ITFG1: variants seen among roughly 807,000 people sequenced by gnomAD.
The protein encoded by ITFG1 is T-cell immunomodulatory protein.
Under a neutral mutation model 81.8 loss-of-function variants are expected in ITFG1, and 34 were observed. The ratio of observed to expected loss-of-function variants is 0.42; its 90% CI spans 0.32 to 0.55. The LOEUF (loss-of-function observed/expected upper bound fraction) is 0.55, where lower values mean the gene tolerates loss of function less well. Ranked by LOEUF, ITFG1 falls within the 20% of genes least tolerant of loss-of-function variation. The probability of loss-of-function intolerance (pLI) is 0.17; values close to 1 mark genes in which losing one functional copy is unlikely to be tolerated. For synonymous variants in ITFG1, 285 were observed against 270.6 expected (o/e 1.05, Z -0.52); for missense variants, 672 against 755.4 (o/e 0.89, Z 1.29).
At chr16:47,314,494 T>C (rs1277175009) in intron 8 of ITFG1, among the ~76,000 whole-genome samples, 1 of 152,112 alleles carries the variant, frequency 6.6e-6, no homozygotes, top group Admixed American at 6.6e-5. Flanking sequence ...AAAAAGCAAA[T>C]GAAAGGAATA....
chr16:47,333,844 A>G (rs910205563), intron 8 of ITFG1, among the ~76,000 whole-genome samples: 2 of 152,216 alleles, frequency 1.3e-5, no homozygotes, highest in African/African-American at 4.8e-5. Context: ...GGTCTTTACT[A>G]AGCAATATTA....
At chr16:47,398,640 C>A (rs1335157495) in intron 6 of ITFG1, among the ~76,000 whole-genome samples, 5 of 152,136 alleles carry the variant, frequency 3.3e-5, no homozygotes, top group Admixed American at 2.0e-4. Context: ...AAATTAGACA[C>A]CAAACAAGGT....
chr16:47,365,051 G>A (rs1968157463), intron 8 of ITFG1, among the ~76,000 whole-genome samples: 1 of 152,212 alleles, frequency 6.6e-6, no homozygotes, highest in South Asian at 2.1e-4. Flanking sequence ...ATTCATAATA[G>A]CCTTTAGAGG....
chr16:47,346,723 T>C (rs770414042), intron 8 of ITFG1, among the ~76,000 whole-genome samples: 11 of 152,064 alleles, frequency 7.2e-5, no homozygotes, highest in Non-Finnish European at 1.6e-4. Context: ...TGACGAAATA[T>C]AGAAAATTTA....
At chr16:47,403,632 T>C (rs1309768834) in intron 6 of ITFG1, among the ~76,000 whole-genome samples, 2 of 152,184 alleles carry the variant, frequency 1.3e-5, no homozygotes, top group Non-Finnish European at 2.9e-5. Context: ...AATGGCACTG[T>C]AGTTGTACAG....
Position 47,162,642 on chromosome 16 carries a change from T to C in ITFG1, c.1476A>G (p.Ala492=). The C allele has an allele frequency of 1.9e-6, 3 of 1,605,670 alleles. No homozygotes were observed. Among genetic ancestry groups the C allele is most frequent in the Non-Finnish European group, 1.7e-6 (2 of 1,176,274 alleles). The part of the protein sequence containing the change: ...NGSAGQLSQS[A]HLALQLPYNV... ...TGTATGGTAGTTGGAGAGCTAAATG[T>C]GCGGATTGGCTGAGTTGGCCAGCTA... The change falls in exon 15 of 18, where the codon GCA becomes GCG. Residue 492 remains alanine, a synonymous_variant. Coordinates refer to ENST00000320640, the MANE Select transcript of ITFG1 (RefSeq NM_030790.5).
At chr16:47,263,443 C>G in intron 10 of ITFG1, 3 of 403,780 alleles carry the variant, frequency 7.4e-6, no homozygotes. Context: ...ATGGCTGGAT[C>G]CAAGTCTCCA....
intron 10 of ITFG1, among the ~76,000 whole-genome samples, chr16:47,280,437 C>T (rs893500957): frequency 7.9e-5 from 12 of 151,916 alleles, no homozygotes; most frequent in African/African-American, 2.4e-4. Context: ...ACTGTACATC[C>T]CTGGAATAAA....
At chr16:47,157,674 G>A (rs1310578809) in intron 17 of ITFG1, 3 of 152,256 alleles carry the variant, frequency 2.0e-5, no homozygotes, top group Non-Finnish European at 2.9e-5. Context: ...GTAACTTCAT[G>A]TTACTGTTTT....
intron 8 of ITFG1, among the ~76,000 whole-genome samples, chr16:47,343,538 G>A (rs1967812083): frequency 6.6e-6 from 1 of 151,812 alleles, no homozygotes; most frequent in Non-Finnish European, 1.5e-5. Flanking sequence ...TTAAAAAATA[G>A]GTAAAGAACT....
intron 14 of ITFG1, among the ~76,000 whole-genome samples, chr16:47,195,594 T>A (rs959641443): frequency 2.0e-5 from 3 of 152,216 alleles, no homozygotes; most frequent in African/African-American, 7.2e-5. Flanking sequence ...TAGATACAAG[T>A]TTCTGACTTA....
chr16:47,337,674 A>G (rs1198378713), intron 8 of ITFG1, among the ~76,000 whole-genome samples: 1 of 152,258 alleles, frequency 6.6e-6, no homozygotes, highest in Non-Finnish European at 1.5e-5. Context: ...GTGATCCTCA[A>G]CACAACCAAT....
At chr16:47,303,099 G>A (rs1053079293) in intron 10 of ITFG1, among the ~76,000 whole-genome samples, 3 of 151,944 alleles carry the variant, frequency 2.0e-5, no homozygotes, top group Non-Finnish European at 2.9e-5. Context: ...GTGAAACCCC[G>A]TCTCTACTAA....
chr16:47,334,826 CTGAGA>C (rs1372528030), intron 8 of ITFG1, among the ~76,000 whole-genome samples: 16 of 152,030 alleles, frequency 1.1e-4, no homozygotes, highest in Non-Finnish European at 2.4e-4. Flanking sequence ...TTATAGTGTT[CTGAGA>C]TGAGAAAAAT....
chr16:47,188,191 G>A (rs1021294460), intron 14 of ITFG1, among the ~76,000 whole-genome samples: 1 of 150,958 alleles, frequency 6.6e-6, no homozygotes, highest in Non-Finnish European at 1.5e-5. Flanking sequence ...CAACCATTGT[G>A]GAAGTCAGTG....
intron 14 of ITFG1, among the ~76,000 whole-genome samples, chr16:47,199,586 G>C (rs570782207): frequency 1.6e-4 from 24 of 152,248 alleles, no homozygotes; most frequent in African/African-American, 5.5e-4. Flanking sequence ...TTGTAGCCTA[G>C]GCGTAATAAT....
At chr16:47,326,002 C>T (rs550025579) in intron 8 of ITFG1, among the ~76,000 whole-genome samples, 14 of 152,228 alleles carry the variant, frequency 9.2e-5, no homozygotes, top group African/African-American at 3.4e-4. Flanking sequence ...GATAACAATG[C>T]CTGGCAGAGA....
intron 10 of ITFG1, among the ~76,000 whole-genome samples, chr16:47,283,490 T>A (rs1232102939): frequency 1.3e-5 from 2 of 152,180 alleles, no homozygotes; most frequent in East Asian, 3.8e-4. Flanking sequence ...ATAAATCCTG[T>A]CTCTGTCCAT....
At chr16:47,449,070 A>C (rs561316237) in intron 5 of ITFG1, 1 of 152,280 alleles carries the variant, frequency 6.6e-6, no homozygotes, top group African/African-American at 2.4e-5. Flanking sequence ...GTCCAGCCAA[A>C]CTGGTTGTGC....
Sources: gnomAD v4.1 joint callset for allele counts (sites outside exome capture counted in the v4.1 genomes callset) on GRCh38, gnomAD v4.1.1 for gene constraint, MANE v1.5 for transcripts, NCBI Gene and HGNC (gene_info 2026-07-23, HGNC 2026-07-21) for gene names.